Variants in CLDN14 observed in about 807,000 individuals in gnomAD.
CLDN14 encodes claudin-14.
Under a neutral mutation model 2.1 loss-of-function variants are expected in CLDN14, and 2 were observed. That is an observed-to-expected ratio of 0.96 (90% confidence interval 0.39 to 3.01). The LOEUF (loss-of-function observed/expected upper bound fraction) is 3.01, where lower values mean the gene tolerates loss of function less well. Among genes scored for constraint, CLDN14 ranks in the 30% most tolerant of loss-of-function variants. The pLI is 0.09. For synonymous variants in CLDN14, 136 were observed against 154.4 expected (o/e 0.88, Z 0.88); for missense variants, 298 against 328.0 (o/e 0.91, Z 0.71).
At chr21:36,475,121 A>G (rs2086760645) in intron 1 of CLDN14, among the ~76,000 whole-genome samples, 1 of 152,172 alleles carries the variant, frequency 6.6e-6, no homozygotes. Flanking sequence ...TGCGGGTACC[A>G]TAGACTATCA....
upstream of CLDN14, among the ~76,000 whole-genome samples, chr21:36,482,328 AGATGGATG>A (rs76291106): frequency 0.45 from 65,146 of 144,092 alleles, 16,369 homozygotes; most frequent in Non-Finnish European, 0.56. Flanking sequence ...ATGTTTCAAT[AGATGGATG>A]GATGGATGGA....
intron 1 of CLDN14, among the ~76,000 whole-genome samples, chr21:36,518,624 C>CAAA: frequency 1.4e-5 from 2 of 144,558 alleles, no homozygotes; most frequent in Non-Finnish European, 3.1e-5. Context: ...CAAACAACAA[C>CAAA]AACAAAATTT....
At chr21:36,546,883 C>A (rs1319317523) in intron 1 of CLDN14, among the ~76,000 whole-genome samples, 1 of 152,154 alleles carries the variant, frequency 6.6e-6, no homozygotes, top group East Asian at 1.9e-4. Context: ...AGTGATGTTG[C>A]CTCCCCACCC....
At chr21:36,483,500 G>A (rs1195637175), upstream of CLDN14, among the ~76,000 whole-genome samples, 2 of 152,186 alleles carry the variant, frequency 1.3e-5, no homozygotes, top group East Asian at 1.9e-4. Flanking sequence ...TAGAGGCCAC[G>A]TGAGGTCCAG....
chr21:36,491,356 G>A (rs982974796), intron 2 of CLDN14, among the ~76,000 whole-genome samples: 1 of 152,124 alleles, frequency 6.6e-6, no homozygotes, highest in African/African-American at 2.4e-5. Flanking sequence ...TCCATAAAGG[G>A]GTTACCAGAA....
At chr21:36,505,136 A>G (rs965396556) in intron 2 of CLDN14, among the ~76,000 whole-genome samples, 4 of 152,226 alleles carry the variant, frequency 2.6e-5, no homozygotes, top group Admixed American at 2.6e-4. Flanking sequence ...ACTATATGAG[A>G]ACAGAAATGG....
chr21:36,528,922 G>T (rs1311831184), intron 1 of CLDN14, among the ~76,000 whole-genome samples: 1 of 152,102 alleles, frequency 6.6e-6, no homozygotes, highest in South Asian at 2.1e-4. Flanking sequence ...AGGAGGACGC[G>T]AGCTCGGCTG....
At position 36,498,529 on chromosome 21, in the gene CLDN14, T is replaced by C. The variant is rs145413269; in HGVS notation, c.-82+11834A>G. On this transcript the variant is annotated intron_variant, in intron 2 of 2. Coordinates refer to the CLDN14 transcript ENST00000342108. This position sits in a 1 kb window ranked among gnomAD's most constrained non-coding sequence, Gnocchi z 4.9. ...AAAATAGGAGATTTCCAGTCTCAGA[T>C]TGGATACATGCACTTAATATCAGCA... Among the ~76,000 whole-genome samples the C allele has an allele frequency of 8.5e-5, 13 of 152,148 alleles. No homozygotes were observed. Among genetic ancestry groups the C allele is most frequent in the African/African-American group, 2.7e-4 (11 of 41,430 alleles).
chr21:36,483,481 AGTGAGGCCTAGAGGCCAC>A (rs990499004), upstream of CLDN14, among the ~76,000 whole-genome samples: 18 of 152,238 alleles, frequency 1.2e-4, no homozygotes, highest in African/African-American at 4.3e-4. Flanking sequence ...GTCTGTGTCC[AGTGAGGCCTAGAGGCCAC>A]GTGAGGTCCA....
chr21:36,518,351 A>C (rs547433681), intron 1 of CLDN14, among the ~76,000 whole-genome samples: 1 of 152,216 alleles, frequency 6.6e-6, no homozygotes, highest in Non-Finnish European at 1.5e-5. Context: ...CTGTAATCCC[A>C]GCATTTTGGG....
intron 1 of CLDN14, among the ~76,000 whole-genome samples, chr21:36,474,915 G>A (rs879776686): frequency 6.6e-5 from 10 of 152,228 alleles, no homozygotes; most frequent in Non-Finnish European, 1.5e-4. Context: ...AATAACGCAT[G>A]TTCTGAGTTT....
At chr21:36,516,773 T>A (rs1410898670) in intron 1 of CLDN14, among the ~76,000 whole-genome samples, 1 of 152,238 alleles carries the variant, frequency 6.6e-6, no homozygotes, top group Non-Finnish European at 1.5e-5. Context: ...TGGTGAGCGA[T>A]AAGACATAGG....
intron 1 of CLDN14, among the ~76,000 whole-genome samples, chr21:36,561,928 C>T (rs550381065): frequency 2.5e-5 from 3 of 121,310 alleles, no homozygotes; most frequent in African/African-American, 8.5e-5. Context: ...ATTGAAGGAA[C>T]CCTTTCTCTC....
At chr21:36,490,387 T>TA (rs2086948905) in intron 2 of CLDN14, among the ~76,000 whole-genome samples, 1 of 132,368 alleles carries the variant, frequency 7.6e-6, no homozygotes, top group African/African-American at 2.9e-5. Context: ...TTTTTTTAAT[T>TA]TTTTTTTTTT....
At chr21:36,497,131 AAGGG>A (rs2087034004) in intron 2 of CLDN14, among the ~76,000 whole-genome samples, 1 of 31,156 alleles carries the variant, frequency 3.2e-5, no homozygotes, top group African/African-American at 1.5e-4. Flanking sequence ...GGAAGGGAGG[AAGGG>A]AGGGAGGAAG....
intron 1 of CLDN14, among the ~76,000 whole-genome samples, chr21:36,552,837 C>T (rs2087572294): frequency 6.6e-6 from 1 of 152,200 alleles, no homozygotes; most frequent in African/African-American, 2.4e-5. Context: ...TGGGAGGAAG[C>T]TTTGATCACC....
At chr21:36,494,598 TA>T (rs1272157538) in intron 2 of CLDN14, among the ~76,000 whole-genome samples, 1 of 152,188 alleles carries the variant, frequency 6.6e-6, no homozygotes. Flanking sequence ...GCGATTCAGT[TA>T]AAATGAGTTC....
intron 2 of CLDN14, among the ~76,000 whole-genome samples, chr21:36,497,162 G>GAA: frequency 5.1e-5 from 1 of 19,426 alleles, no homozygotes; most frequent in Non-Finnish European, 1.2e-4. Flanking sequence ...AGGGAGGGAG[G>GAA]GAGGGAGGAA....
chr21:36,464,672 C>T lies in CLDN14; in HGVS notation c.-81-2896G>A, dbSNP rs1247239514. The stretch of plus-strand genomic sequence containing the variant: ...GGGGTGCCAGCGGACCCACCCTGCA[C>T]CCTGAGCACACCGATGGCACCAGCT... On this transcript the variant is annotated intron_variant, in intron 1 of 1. Transcript: ENST00000399135. Among the ~76,000 whole-genome samples the T allele has an allele frequency of 5.9e-5, 9 of 152,234 alleles. No individual in the cohort carries two copies. In the South Asian group the frequency reaches 1.7e-3, roughly 28 times the overall value.
Sources: gnomAD v4.1 joint callset for allele counts (sites outside exome capture counted in the v4.1 genomes callset) on GRCh38, gnomAD v4.1.1 for gene constraint, Gnocchi (gnomAD v3.1) non-coding constraint, MANE v1.5 for transcripts, NCBI Gene and HGNC (gene_info 2026-07-23, HGNC 2026-07-21) for gene names.